Variants in ANO8 observed in about 807,000 individuals in gnomAD.
ANO8 encodes the protein anoctamin 8, also known as anoctamin-8.
ANO8 carries 67 observed loss-of-function variants against 120.4 expected under a neutral mutation model. That is an observed-to-expected ratio of 0.56 (90% CI 0.46 to 0.68). The LOEUF is 0.68. Among genes scored for constraint, ANO8 ranks in the 30% least tolerant of loss-of-function variants. The pLI is 0.00. For missense variants in ANO8, 1,526 were observed against 1,737.6 expected (o/e 0.88, Z 2.16); for synonymous variants, 727 against 759.2 (o/e 0.96, Z 0.70).
In ANO8 at chr19:17,330,243, C is replaced by A. The variant is rs1349269017; in HGVS notation, c.1155G>T (p.Val385=). ...GACGGGGCAACCCCTTCACGCTCAG[C>A]ACCAGCTCCTGCGGGAGAAGGGGGT... ...MLGCFQLQEL[V]LSVKGLPRLA... Residue 385 remains valine (V), a synonymous_variant, in exon 10 of 18, where the codon GTG becomes GTT. Transcript: ENST00000159087. 3.1e-6 allele frequency: 5 copies of A among 1,613,912 alleles called. No homozygotes were observed. The highest frequency in any genetic ancestry group is 4.2e-6 in the Non-Finnish European group (5 of 1,180,020).
Position 17,333,576 on chromosome 19 carries a change from G to T in ANO8, c.218-22C>A. 1 of 1,611,500 alleles carries T rather than the reference G, an allele frequency of 6.2e-7. No homozygotes were observed. Among genetic ancestry groups the T allele is most frequent in the Non-Finnish European group, 8.5e-7 (1 of 1,179,802 alleles). On this transcript the variant is annotated intron_variant, in intron 2 of 17. Transcript: ENST00000159087. The surrounding 1 kb of genome is among the most constrained non-coding windows in gnomAD (Gnocchi z 7.2). ...GTGTCTGCCAAGGGGCACAGGGACCGATGGCTCCTGCCACGAGGGGGCCCA... is the reference window on the plus strand; with the variant it reads ...GTGTCTGCCAAGGGGCACAGGGACCTATGGCTCCTGCCACGAGGGGGCCCA...
intron 17 of ANO8, 113 bp downstream of exon 17, chr19:17,324,604 G>C (rs2074260278): frequency 6.8e-7 from 1 of 1,476,840 alleles, no homozygotes; most frequent in East Asian, 2.4e-5. Flanking sequence ...TCCCCACCAG[G>C]ACCTAAGACC....
In ANO8 at chr19:17,323,467, C is replaced by A; in HGVS notation, c.*50G>T. ...TTTGCATTTTGGAGACCGGCCGCCCCTGTGAATGACTGATATTGCATATGA... is the reference window on the plus strand; with the variant it reads ...TTTGCATTTTGGAGACCGGCCGCCCATGTGAATGACTGATATTGCATATGA... On this transcript the variant is annotated 3_prime_UTR_variant, in exon 18 of 18. Transcript: ENST00000159087. 1 of 1,285,754 alleles carries A rather than the reference C, an allele frequency of 7.8e-7. No homozygotes were observed. Among genetic ancestry groups the A allele is most frequent in the South Asian group, 3.2e-5 (1 of 31,226 alleles). 79.6% of individuals were successfully genotyped at this position (1,285,754 alleles called of 1,614,324 possible).
chr19:17,334,638 C>A lies in ANO8; in HGVS notation c.33G>T (p.Thr11=). The A allele has an allele frequency of 6.7e-7, 1 of 1,493,486 alleles. No homozygotes were observed. The highest frequency in any genetic ancestry group is 2.2e-5 in the Admixed American group (1 of 45,174). 92.5% of individuals were successfully genotyped at this position (1,493,486 alleles called of 1,614,324 possible). MAEAASGAGG[T]SLEGERGKRP... ...TCTTGCCACGCTCGCCCTCCAGGGA[C>A]GTGCCCCCGGCGCCGGAGGCGGCCT... is the stretch of plus-strand genomic sequence containing the variant. Residue 11 remains threonine, a synonymous_variant, in exon 1 of 18, where the codon ACG becomes ACT. Transcript: ENST00000159087.
At position 17,328,821 on chromosome 19, in the gene ANO8, G is replaced by A. The variant is rs1396717704; in HGVS notation, c.1567C>T (p.Pro523Ser). The change falls in exon 13 of 18, where the codon CCC (proline) becomes TCC (serine). Residue 523 changes from proline to serine, a missense_variant. Transcript: ENST00000159087. ...LGLLSLRRPA[P>S]RRLEPQADEG... ...TCCGCCTGGGGTTCGAGGCGGCGGG[G>A]CGCAGGGCGCCGGAGGCTCAGGAGG... is the stretch of plus-strand genomic sequence containing the variant. The A allele has an allele frequency of 2.1e-6, 3 of 1,428,900 alleles. No individual in the cohort carries two copies. Among genetic ancestry groups the A allele is most frequent in the Middle Eastern group, 2.5e-4 (1 of 4,010 alleles). The allele number at this position is 1,428,900 out of a possible 1,614,324, so 88.5% of individuals were successfully genotyped here. A position where few individuals can be genotyped will look rare whatever the true frequency, so the allele number is the denominator to read the frequency against.
chr19:17,326,811 C>T (rs1198061014), intron 16 of ANO8, among the ~76,000 whole-genome samples: 1 of 152,182 alleles, frequency 6.6e-6, no homozygotes, highest in African/African-American at 2.4e-5. Flanking sequence ...GTCCCTGGCC[C>T]CCTAACAGGA....
rs116227484 is a variant in ANO8, at chr19:17,327,939, T to C, written c.2227-59A>G. On this transcript the variant is annotated intron_variant, in intron 13 of 17. Coordinates refer to ENST00000159087, the MANE Select transcript of ANO8 (RefSeq NM_020959.3). The stretch of plus-strand genomic sequence containing the variant: ...CTTCCCTGGGACAATCTTTCTCCCA[T>C]TGAGCCCGCCTCCCTCAGATTATCC... 2.8e-4 allele frequency: 446 copies of C among 1,574,636 alleles called. 3 individuals are homozygous for C. In the African/African-American group the frequency reaches 5.2e-3, roughly 18 times the overall value.
chr19:17,331,776 G>C lies in ANO8; in HGVS notation c.587-365C>G, dbSNP rs1460590126. On this transcript the variant is annotated intron_variant, in intron 5 of 17. Transcript: ENST00000159087. The stretch of plus-strand genomic sequence containing the variant: ...AGCCTCCGGAGTAGCTGGGATTATA[G>C]GCGCCCACCACCACGCCCAGCTAAT... 4.0e-5 allele frequency among the ~76,000 whole-genome samples: 6 copies of C among 151,616 alleles called. No homozygotes were observed. In the South Asian group the frequency reaches 1.2e-3, roughly 32 times the overall value.
intron 5 of ANO8, 64 bp from the exon 6 acceptor site, chr19:17,331,475 C>T: frequency 1.3e-6 from 2 of 1,493,446 alleles, no homozygotes; most frequent in South Asian, 2.3e-5. Context: ...GCTAGCCCCT[C>T]TTTGTCTGAA....
At chr19:17,325,455 T>G (rs1599543487) in intron 16 of ANO8, 69 bp from the exon 17 acceptor site, 1 of 1,506,380 alleles carries the variant, frequency 6.6e-7, no homozygotes, top group Non-Finnish European at 8.8e-7. Flanking sequence ...CTGAGGCTGG[T>G]GCATGCCAGG....
In ANO8 at chr19:17,327,803, CG is replaced by C; in HGVS notation, c.2303del (p.Ala768GlyfsTer41). On this transcript the variant is annotated frameshift_variant, in exon 14 of 18. Transcript: ENST00000159087. LOFTEE classifies it high-confidence loss of function. Reference sequence around the variant, plus strand: ...GGTTGTTGACCAGGGCGCACAGCGCCGCCAGGGGGAAGGCGGACGAGAAGAG... The same window carrying C: ...GGTTGTTGACCAGGGCGCACAGCGCCCCAGGGGGAAGGCGGACGAGAAGAG... Reference protein sequence around the residue: ...VVLFSSAFPLAALCALVNNLI... With the variant: ...VVLFSSAFPLXALCALVNNLI... The C allele has an allele frequency of 6.2e-7, 1 of 1,614,208 alleles. No individual in the cohort carries two copies. Among genetic ancestry groups the C allele is most frequent in the Non-Finnish European group, 8.5e-7 (1 of 1,180,010 alleles).
At chr19:17,329,873 C>T (rs2074303897) in intron 11 of ANO8, 42 bp from the exon 12 acceptor site, 2 of 1,613,492 alleles carry the variant, frequency 1.2e-6, no homozygotes, top group South Asian at 1.1e-5. Flanking sequence ...GCACCCCCAC[C>T]CGACTCCTTG....
Position 17,328,688 on chromosome 19 carries a change from G to A in ANO8, c.1700C>T (p.Ala567Val). 3.0e-6 allele frequency: 2 copies of A among 671,008 alleles called. No homozygotes were observed. Among genetic ancestry groups the A allele is most frequent in the Non-Finnish European group, 4.1e-6 (2 of 482,548 alleles). 41.6% of individuals were successfully genotyped at this position (671,008 alleles called of 1,614,324 possible). A position where few individuals can be genotyped will look rare whatever the true frequency, so the allele number is the denominator to read the frequency against. ...EEAALVERRRAGEGGEEGDGP... is the reference protein window; with the variant it reads ...EEAALVERRRVGEGGEEGDGP... ...GTCCCCCTCCTCCCCGCCTTCCCCC[G>A]CCCGCCGCCGCTCCACCAGCGCCGC... The change falls in exon 13 of 18, where the codon GCG becomes GTG. Residue 567 changes from alanine to valine, a missense_variant. Transcript: ENST00000159087.
chr19:17,327,261 C>G lies in ANO8; in HGVS notation c.2635G>C (p.Glu879Gln). Residue 879 changes from glutamate to glutamine, a missense_variant, in exon 16 of 18, where the codon GAG becomes CAG. Coordinates refer to ENST00000159087, the MANE Select transcript of ANO8 (RefSeq NM_020959.3). Reference sequence around the variant, plus strand: ...TTAAAGGCCTCGCGGCGCTGGTACTCCAGCTTGGCCATTTCCTCGGCCACC... The same window carrying G: ...TTAAAGGCCTCGCGGCGCTGGTACTGCAGCTTGGCCATTTCCTCGGCCACC... Reference protein sequence around the residue: ...GWVAEEMAKLEYQRREAFKRH... With the variant: ...GWVAEEMAKLQYQRREAFKRH... 6.5e-7 allele frequency: 1 copy of G among 1,548,000 alleles called. No individual in the cohort carries two copies.
At position 17,334,575 on chromosome 19, in the gene ANO8, G is replaced by A. The variant is rs759029975; in HGVS notation, c.96C>T (p.Ser32=). 6.4e-6 allele frequency: 10 copies of A among 1,552,924 alleles called. No individual in the cohort carries two copies. The highest frequency in any genetic ancestry group is 7.8e-6 in the Non-Finnish European group (9 of 1,157,442). The change falls in exon 1 of 18, where the codon TCC becomes TCT. Residue 32 remains serine, a synonymous_variant. Coordinates refer to ENST00000159087, the MANE Select transcript of ANO8 (RefSeq NM_020959.3). ...PPEGEPAAPA[S]GVLDKLFGKR... is the part of the protein sequence containing the mutation. Reference sequence around the variant, plus strand: ...CCGCCGCACACATACCCAGAACTCCGGACGCCGGGGCTGCAGGCTCGCCCT... The same window carrying A: ...CCGCCGCACACATACCCAGAACTCCAGACGCCGGGGCTGCAGGCTCGCCCT...
chr19:17,332,053 G>A (rs1381078321), intron 5 of ANO8, among the ~76,000 whole-genome samples: 1 of 146,496 alleles, frequency 6.8e-6, no homozygotes, highest in Admixed American at 7.1e-5. Flanking sequence ...TCCTGCCTCA[G>A]CCTCCCGAGT....
At chr19:17,334,108 A>G (rs1349688114) in intron 1 of ANO8, among the ~76,000 whole-genome samples, 1 of 152,204 alleles carries the variant, frequency 6.6e-6, no homozygotes, top group East Asian at 1.9e-4. Flanking sequence ...CCACATTATG[A>G]CAGCGCCGTC....
At chr19:17,328,090 C>T (rs1363430030) in intron 13 of ANO8, 72 bp downstream of exon 13, 3 of 1,399,258 alleles carry the variant, frequency 2.1e-6, no homozygotes, top group Non-Finnish European at 2.9e-6. Context: ...ACCCCCACGG[C>T]CTTCACCCTC....
intron 1 of ANO8, among the ~76,000 whole-genome samples, chr19:17,334,313 C>G (rs1024424952): frequency 6.6e-6 from 1 of 152,218 alleles, no homozygotes; most frequent in Non-Finnish European, 1.5e-5. Flanking sequence ...GATCCCGCAG[C>G]CCGGGGGTGG....
Sources: allele counts gnomAD v4.1 joint callset (sites outside exome capture counted in the v4.1 genomes callset), GRCh38; gene constraint gnomAD v4.1.1; non-coding constraint Gnocchi (gnomAD v3.1); transcripts MANE v1.5; gene names NCBI Gene and HGNC (gene_info 2026-07-23, HGNC 2026-07-21).